The following PRKCE variants were observed in gnomAD, a reference collection of about 807,000 sequenced individuals.
The protein encoded by PRKCE is protein kinase C epsilon.
Under a neutral mutation model 85.4 loss-of-function variants are expected in PRKCE, and 16 were observed. That is an observed-to-expected ratio of 0.19 (90% CI 0.13 to 0.28). PRKCE has a LOEUF of 0.28. PRKCE is among the 10% of genes least tolerant of loss of function. The probability of loss-of-function intolerance (pLI) is 1.00; values close to 1 mark genes in which losing one functional copy is unlikely to be tolerated. For synonymous variants in PRKCE, 388 were observed against 371.5 expected, an observed-to-expected ratio of 1.04 and a Z score of -0.51; for missense variants, 573 against 975.2, an observed-to-expected ratio of 0.59 and a Z score of 5.49.
At chr2:45,830,787 A>G (rs1279709174) in intron 1 of PRKCE, among the ~76,000 whole-genome samples, 1 of 152,258 alleles carries the variant, frequency 6.6e-6, no homozygotes, top group African/African-American at 2.4e-5. Flanking sequence ...TATTGATGTT[A>G]GAAGAAAGTT....
At chr2:45,964,883 A>G (rs1701630965) in intron 2 of PRKCE, among the ~76,000 whole-genome samples, 1 of 152,110 alleles carries the variant, frequency 6.6e-6, no homozygotes, top group Non-Finnish European at 1.5e-5. Flanking sequence ...TTTCCTATGT[A>G]GTGAACACTA....
chr2:45,869,702 C>CTTTTTTTTT (rs201819838), intron 2 of PRKCE, among the ~76,000 whole-genome samples: 2 of 122,632 alleles, frequency 1.6e-5, no homozygotes, highest in South Asian at 3.1e-4. Context: ...TTGTTTCTCT[C>CTTTTTTTTT]TCTCTTTTTT....
At chr2:46,113,323 G>A (rs1375054) in intron 11 of PRKCE, among the ~76,000 whole-genome samples, 23 of 151,976 alleles carry the variant, frequency 1.5e-4, no homozygotes, top group Admixed American at 6.5e-5. Flanking sequence ...AATCCCAGAC[G>A]GTACTTACAG....
At chr2:46,181,727 G>A (rs539792181) in intron 14 of PRKCE, among the ~76,000 whole-genome samples, 4 of 152,368 alleles carry the variant, frequency 2.6e-5, no homozygotes, top group African/African-American at 4.8e-5. Flanking sequence ...TAAATGGGGA[G>A]AGCCAGTGCC....
chr2:46,021,731 T>C (rs1376386194), intron 10 of PRKCE, among the ~76,000 whole-genome samples: 1 of 152,208 alleles, frequency 6.6e-6, no homozygotes, highest in South Asian at 2.1e-4. Context: ...GTCTAAGTTA[T>C]CTAACCCGGT....
chr2:45,952,332 G>A (rs979565705), intron 2 of PRKCE, among the ~76,000 whole-genome samples: 3 of 152,166 alleles, frequency 2.0e-5, no homozygotes, highest in Non-Finnish European at 2.9e-5. Flanking sequence ...CCTGGGCCTC[G>A]CAAGCGTACA....
At chr2:45,826,999 C>T (rs1689991871) in intron 1 of PRKCE, among the ~76,000 whole-genome samples, 1 of 152,180 alleles carries the variant, frequency 6.6e-6, no homozygotes, top group South Asian at 2.1e-4. Context: ...ATGCAGCCAC[C>T]TTTTAAAGTG....
At chr2:46,129,850 T>G (rs1452102261) in intron 11 of PRKCE, among the ~76,000 whole-genome samples, 7 of 152,258 alleles carry the variant, frequency 4.6e-5, no homozygotes, top group Non-Finnish European at 8.8e-5. Flanking sequence ...ATTTTAATTG[T>G]TTTATAGTTT....
At chr2:45,809,225 A>G (rs1688477667) in intron 1 of PRKCE, among the ~76,000 whole-genome samples, 2 of 152,216 alleles carry the variant, frequency 1.3e-5, no homozygotes, top group Non-Finnish European at 2.9e-5. Flanking sequence ...AGAGGGGTAT[A>G]AATAAATAAG....
chr2:45,917,460 C>CA (rs928396925), intron 2 of PRKCE, among the ~76,000 whole-genome samples: 1 of 152,218 alleles, frequency 6.6e-6, no homozygotes, highest in Non-Finnish European at 1.5e-5. Context: ...GGTGCATTCA[C>CA]AAACCCTGAG....
intron 2 of PRKCE, among the ~76,000 whole-genome samples, chr2:45,938,742 T>C (rs763945784): frequency 6.0e-5 from 9 of 151,090 alleles, no homozygotes; most frequent in Non-Finnish European, 1.2e-4. Context: ...AATGTGCAAG[T>C]TTGCTTAAAT....
At chr2:45,877,068 C>A in intron 2 of PRKCE, among the ~76,000 whole-genome samples, 1 of 149,944 alleles carries the variant, frequency 6.7e-6, no homozygotes, top group East Asian at 2.0e-4. Context: ...ATATAACCAC[C>A]TTTTATTCTT....
chr2:45,927,883 G>C (rs922856710), intron 2 of PRKCE, among the ~76,000 whole-genome samples: 1 of 147,964 alleles, frequency 6.8e-6, no homozygotes, highest in African/African-American at 2.5e-5. Flanking sequence ...GCTTCGTGTA[G>C]ATGTATGCCT....
At chr2:45,672,343 C>T (rs1169652918) in intron 1 of PRKCE, among the ~76,000 whole-genome samples, 1 of 151,958 alleles carries the variant, frequency 6.6e-6, no homozygotes, top group East Asian at 1.9e-4. Context: ...TTCGTCCATC[C>T]ATCTCTTCAT....
chr2:46,168,910 C>T (rs1678609293), intron 14 of PRKCE, among the ~76,000 whole-genome samples: 1 of 152,168 alleles, frequency 6.6e-6, no homozygotes, highest in African/African-American at 2.4e-5. Flanking sequence ...GCAATGCCCT[C>T]CTGCCTATCT....
chr2:46,084,618 A>T (rs959423613), intron 10 of PRKCE, among the ~76,000 whole-genome samples: 1 of 150,058 alleles, frequency 6.7e-6, no homozygotes, highest in Non-Finnish European at 1.5e-5. Flanking sequence ...GCTACTCAGG[A>T]GTCTGAGGCA....
intron 1 of PRKCE, among the ~76,000 whole-genome samples, chr2:45,783,280 T>C (rs985044831): frequency 6.6e-6 from 1 of 152,182 alleles, no homozygotes; most frequent in African/African-American, 2.4e-5. Context: ...TTAGCTATGG[T>C]AAGAATGCCG....
At chr2:45,700,243 C>T (rs779131852) in intron 1 of PRKCE, among the ~76,000 whole-genome samples, 2 of 151,870 alleles carry the variant, frequency 1.3e-5, no homozygotes, top group African/African-American at 2.4e-5. Flanking sequence ...TTTTTCTTTG[C>T]AGCACTCGAA....
At chr2:45,891,613 C>T (rs892814690) in intron 2 of PRKCE, among the ~76,000 whole-genome samples, 4 of 152,176 alleles carry the variant, frequency 2.6e-5, no homozygotes, top group Admixed American at 6.5e-5. Context: ...TGGACTCCTT[C>T]GGCTTCTGTA....
Sources: gnomAD v4.1 joint callset for allele counts (sites outside exome capture counted in the v4.1 genomes callset) on GRCh38, gnomAD v4.1.1 for gene constraint, MANE v1.5 for transcripts, NCBI Gene and HGNC (gene_info 2026-07-23, HGNC 2026-07-21) for gene names.